The following CHD9 variants were observed in gnomAD, a reference collection of about 807,000 sequenced individuals.
The protein encoded by CHD9 is chromodomain helicase DNA binding protein 9.
A neutral mutation model predicts 316.1 loss-of-function variants in CHD9; 77 were observed. That is an observed-to-expected ratio of 0.24 (90% confidence interval 0.20 to 0.29). The LOEUF (loss-of-function observed/expected upper bound fraction) is 0.29, where lower values mean the gene tolerates loss of function less well. Among genes scored for constraint, CHD9 ranks in the 10% least tolerant of loss-of-function variants. The pLI is 1.00. For missense variants in CHD9, 2,763 were observed against 3,438.1 expected, an observed-to-expected ratio of 0.80 and a Z score of 4.91; for synonymous variants, 1,129 against 1,158.3, an observed-to-expected ratio of 0.97 and a Z score of 0.51.
At chr16:53,228,673 T>G (rs1406369245) in intron 7 of CHD9, among the ~76,000 whole-genome samples, 1 of 151,954 alleles carries the variant, frequency 6.6e-6, no homozygotes, top group Non-Finnish European at 1.5e-5. Context: ...ACAAGTTAGC[T>G]TTCTGATAAT....
chr16:53,296,905 A>T, intron 29 of CHD9, 51 bp from the exon 30 acceptor site: 2 of 1,178,982 alleles, frequency 1.7e-6, no homozygotes, highest in Non-Finnish European at 2.5e-6. Flanking sequence ...TAGTATTAAT[A>T]TTAATTTTAG....
At chr16:53,101,210 A>T (rs911427496) in intron 1 of CHD9, among the ~76,000 whole-genome samples, 2 of 151,842 alleles carry the variant, frequency 1.3e-5, no homozygotes, top group Admixed American at 1.3e-4. Context: ...TTATCATAAG[A>T]TGGATAAAAA....
At chr16:53,255,330 TAAAG>T (rs915762075) in intron 18 of CHD9, among the ~76,000 whole-genome samples, 2 of 151,974 alleles carry the variant, frequency 1.3e-5, no homozygotes, top group African/African-American at 2.4e-5. Context: ...AAATAAAAAA[TAAAG>T]AAAAGAACCT....
intron 1 of CHD9, among the ~76,000 whole-genome samples, chr16:53,150,331 T>C (rs899754995): frequency 1.3e-5 from 2 of 152,130 alleles, no homozygotes; most frequent in African/African-American, 4.8e-5. Flanking sequence ...ATTATAACAA[T>C]GTATTTTAAA....
chr16:53,158,183 A>G (rs929367613), intron 2 of CHD9, among the ~76,000 whole-genome samples: 3 of 152,236 alleles, frequency 2.0e-5, no homozygotes, highest in Non-Finnish European at 4.4e-5. Context: ...TTGAAAAGCA[A>G]TTTGGTACTA....
intron 10 of CHD9, among the ~76,000 whole-genome samples, chr16:53,234,475 G>T (rs1173006973): frequency 2.6e-5 from 4 of 152,092 alleles, no homozygotes; most frequent in African/African-American, 9.7e-5. Context: ...TTTCATAGTT[G>T]TACTATAACA....
At chr16:53,231,567 A>G (rs980674099) in intron 9 of CHD9, 62 bp downstream of exon 9, 13 of 1,367,058 alleles carry the variant, frequency 9.5e-6, no homozygotes, top group Admixed American at 2.1e-5. Context: ...AAGTATTAAG[A>G]CCTAGTACTT....
intron 11 of CHD9, among the ~76,000 whole-genome samples, chr16:53,237,337 T>C (rs7189455): frequency 0.31 from 47,212 of 151,964 alleles, 7,488 homozygotes; most frequent in Middle Eastern, 0.39. Context: ...TGGTACTTTC[T>C]CAGTTACTGT....
intron 2 of CHD9, among the ~76,000 whole-genome samples, chr16:53,190,156 CTATT>C (rs2044364557): frequency 6.6e-6 from 1 of 152,200 alleles, no homozygotes; most frequent in East Asian, 1.9e-4. Flanking sequence ...TTAAATCTCT[CTATT>C]TGTAAGATTA....
chr16:53,265,537 T>A (rs1289196102), intron 20 of CHD9, among the ~76,000 whole-genome samples: 1 of 152,116 alleles, frequency 6.6e-6, no homozygotes, highest in Admixed American at 6.6e-5. Context: ...GTTTATGAAA[T>A]ATACAAATAG....
At chr16:53,229,942 GT>G (rs2048023697) in intron 8 of CHD9, among the ~76,000 whole-genome samples, 1 of 152,102 alleles carries the variant, frequency 6.6e-6, no homozygotes, top group Admixed American at 6.5e-5. Context: ...AAGAGAGTGT[GT>G]ATGTGTGCAT....
In CHD9 at chr16:53,324,377, G is replaced by A. The variant is rs932537800; in HGVS notation, c.8176G>A (p.Gly2726Ser). 2 of 1,613,964 alleles carry A rather than the reference G, an allele frequency of 1.2e-6. No homozygotes were observed. The highest frequency in any genetic ancestry group is 1.7e-6 in the Non-Finnish European group (2 of 1,179,886). ...AATGGCTGGATTACCAAATCTGTTG[G>A]GCATGGGAGGACTCCTGACAAAGCC... Reference protein sequence around the residue: ...SGMAGLPNLLGMGGLLTKPTE... With the variant: ...SGMAGLPNLLSMGGLLTKPTE... Residue 2726 changes from glycine to serine, a missense_variant, in exon 39 of 39, where the codon GGC becomes AGC. By Grantham distance (56) the Gly-to-Ser change is moderately conservative. Around this residue, in one of 15 missense-constraint regions of CHD9, gnomAD observed 298 missense variants for 380.2 expected, o/e 0.78. Coordinates refer to ENST00000447540, the MANE Select transcript of CHD9 (RefSeq NM_001308319.2).
intron 10 of CHD9, among the ~76,000 whole-genome samples, chr16:53,233,919 C>G (rs2048392534): frequency 6.6e-6 from 1 of 152,108 alleles, no homozygotes; most frequent in Non-Finnish European, 1.5e-5. Flanking sequence ...TTCTCAGAAA[C>G]TTATTTCTCC....
chr16:53,254,749 A>T (rs2050435688), intron 18 of CHD9, 144 bp downstream of exon 18: 2 of 563,652 alleles, frequency 3.5e-6, no homozygotes, highest in African/African-American at 3.7e-5. Flanking sequence ...GGACAGAGCT[A>T]TGTTTAGTTA....
rs892848336 is a variant in CHD9 at position 53,292,814 on chromosome 16, A to G, written c.5291-19A>G. 10 of 1,578,886 alleles carry G rather than the reference A, an allele frequency of 6.3e-6. No individual in the cohort carries two copies. The highest frequency in any genetic ancestry group is 8.7e-6 in the Non-Finnish European group (10 of 1,148,062). On this transcript the variant is annotated intron_variant, in intron 28 of 38. Transcript: ENST00000447540. Reference sequence around the variant, plus strand: ...CAGTATCTGTTTAGTTATTATTACTATTACTTATTTAACTATAGATGGTCA... The same window carrying G: ...CAGTATCTGTTTAGTTATTATTACTGTTACTTATTTAACTATAGATGGTCA...
At chr16:53,267,558 GTTTTGAGTATAT>G in intron 21 of CHD9, 68 bp downstream of exon 21, 1 of 1,094,802 alleles carries the variant, frequency 9.1e-7, no homozygotes, top group Non-Finnish European at 1.3e-6. Context: ...ATATATACTG[GTTTTGAGTATAT>G]TTTTTATCTT....
intron 2 of CHD9, among the ~76,000 whole-genome samples, chr16:53,178,835 A>T (rs112514552): frequency 0.032 from 4,930 of 152,196 alleles, 100 homozygotes; most frequent in Middle Eastern, 0.071. Flanking sequence ...CTATATATGT[A>T]CTTGGGATTC....
At chr16:53,145,292 C>T (rs2040478975) in intron 1 of CHD9, among the ~76,000 whole-genome samples, 1 of 151,830 alleles carries the variant, frequency 6.6e-6, no homozygotes, top group Non-Finnish European at 1.5e-5. Flanking sequence ...GCTGGGATTA[C>T]AGGCATGCAC....
chr16:53,291,272 T>G (rs1384017469), intron 27 of CHD9, among the ~76,000 whole-genome samples: 1 of 152,194 alleles, frequency 6.6e-6, no homozygotes, highest in East Asian at 1.9e-4. Context: ...GATGCTCTGT[T>G]GACAAAAACT....
Sources: gnomAD v4.1 joint callset for allele counts (sites outside exome capture counted in the v4.1 genomes callset) on GRCh38, gnomAD v4.1.1 for gene constraint, gnomAD v4.1.1 regional missense constraint, MANE v1.5 for transcripts, NCBI Gene and HGNC (gene_info 2026-07-23, HGNC 2026-07-21) for gene names.